The following TNIP3 variants were observed in gnomAD, a reference collection of about 807,000 sequenced individuals.
TNIP3 encodes the protein TNFAIP3-interacting protein 3.
Under a neutral mutation model 54.1 loss-of-function variants are expected in TNIP3, and 34 were observed. That is an observed-to-expected ratio of 0.63 (90% confidence interval 0.48 to 0.84). TNIP3 has a LOEUF of 0.84. TNIP3 is among the 40% of genes least tolerant of loss of function. The pLI, the probability that TNIP3 is intolerant of heterozygous loss-of-function variation, is 0.00. For missense variants in TNIP3, 366 were observed against 387.6 expected (o/e 0.94, Z 0.47); for synonymous variants, 134 against 136.8 (o/e 0.98, Z 0.14).
intron 2 of TNIP3, among the ~76,000 whole-genome samples, chr4:121,188,025 G>T (rs1338625711): frequency 6.6e-6 from 1 of 152,012 alleles, no homozygotes; most frequent in East Asian, 1.9e-4. Context: ...CTTGATTTAA[G>T]GGGGCCTCTT....
chr4:121,217,869 G>C (rs1454378328), upstream of TNIP3, among the ~76,000 whole-genome samples: 1 of 152,152 alleles, frequency 6.6e-6, no homozygotes, highest in Non-Finnish European at 1.5e-5. Context: ...TACACATGGA[G>C]TCCTGGAGTA....
chr4:121,177,699 G>C (rs1724441271), intron 3 of TNIP3, among the ~76,000 whole-genome samples: 1 of 152,152 alleles, frequency 6.6e-6, no homozygotes, highest in Non-Finnish European at 1.5e-5. Context: ...GCTCACGCTT[G>C]TGTTAACCAA....
intron 2 of TNIP3, among the ~76,000 whole-genome samples, chr4:121,197,828 T>C (rs1293811000): frequency 6.6e-6 from 1 of 152,160 alleles, no homozygotes; most frequent in Non-Finnish European, 1.5e-5. Flanking sequence ...GAGAGCCGTA[T>C]AAGAAAGTCA....
chr4:121,168,139 C>G (rs1730865047), upstream of TNIP3, among the ~76,000 whole-genome samples: 1 of 152,126 alleles, frequency 6.6e-6, no homozygotes, highest in Admixed American at 6.5e-5. Context: ...CACATTGCCA[C>G]AAAAGCCTAG....
intron 7 of TNIP3, among the ~76,000 whole-genome samples, chr4:121,145,247 C>A (rs1729359858): frequency 1.3e-5 from 2 of 152,170 alleles, no homozygotes; most frequent in African/African-American, 4.8e-5. Context: ...ATCAAACCAT[C>A]TATTACATCT....
Position 121,178,486 on chromosome 4 carries a change from C to T in TNIP3, c.189+4190G>A, listed in dbSNP as rs116584225. 4.7e-3 allele frequency among the ~76,000 whole-genome samples: 710 copies of T among 152,296 alleles called. 7 individuals are homozygous for T. Among genetic ancestry groups the T allele is most frequent in the African/African-American group, 0.016 (681 of 41,566 alleles). On this transcript the variant is annotated intron_variant, in intron 3 of 12. Coordinates refer to the TNIP3 transcript ENST00000507879. ...TGGTTGCATTTGGAGTTCTCGAAGA[C>T]ATATTCCACATTGAGCACACTTGGC...
intron 2 of TNIP3, among the ~76,000 whole-genome samples, chr4:121,188,300 A>T (rs1450112982): frequency 6.6e-6 from 1 of 151,628 alleles, no homozygotes; most frequent in East Asian, 1.9e-4. Flanking sequence ...CCAATTTGAC[A>T]ATGAAACTTA....
chr4:121,164,235 T>G lies in TNIP3; in HGVS notation c.-110A>C. ...GTATACAAAATTTAAAAAACACACATCACCGTTAACTCATAATAGAAAATA... is the reference window on the plus strand; with the variant it reads ...GTATACAAAATTTAAAAAACACACAGCACCGTTAACTCATAATAGAAAATA... On this transcript the variant is annotated 5_prime_UTR_variant, in exon 1 of 11. An upstream start codon of the reference 5' UTR is lost. Coordinates refer to ENST00000057513, the MANE Select transcript of TNIP3 (RefSeq NM_024873.6). 1 of 1,561,914 alleles carries G rather than the reference T, an allele frequency of 6.4e-7. No homozygotes were observed.
intron 10 of TNIP3, 109 bp from the exon 11 acceptor site, chr4:121,132,771 T>A: frequency 3.8e-6 from 3 of 799,762 alleles, no homozygotes; most frequent in Non-Finnish European, 6.1e-6. Context: ...AAAAAAAAAG[T>A]TATGTTATAT....
intron 5 of TNIP3, among the ~76,000 whole-genome samples, chr4:121,151,544 T>C (rs1729757516): frequency 6.6e-6 from 1 of 152,276 alleles, no homozygotes; most frequent in East Asian, 1.9e-4. Flanking sequence ...TAATAATTTA[T>C]GTTTTTTGAG....
At chr4:121,167,210 T>A (rs928556323), upstream of TNIP3, among the ~76,000 whole-genome samples, 1 of 152,080 alleles carries the variant, frequency 6.6e-6, no homozygotes, top group Non-Finnish European at 1.5e-5. Context: ...AAAAATTCCC[T>A]GCTTATGATG....
chr4:121,173,010 G>A (rs1724061675), intron 3 of TNIP3, among the ~76,000 whole-genome samples: 1 of 152,156 alleles, frequency 6.6e-6, no homozygotes, highest in African/African-American at 2.4e-5. Flanking sequence ...TGCTAATGAG[G>A]ACAAAGTTGA....
intron 2 of TNIP3, among the ~76,000 whole-genome samples, chr4:121,204,818 A>T (rs139359107): frequency 1.3e-5 from 2 of 152,284 alleles, no homozygotes; most frequent in East Asian, 1.9e-4. Context: ...TTTCATTTCT[A>T]TCAGCTATGT....
At chr4:121,195,187 CTTAA>C (rs1033702436) in intron 2 of TNIP3, among the ~76,000 whole-genome samples, 67 of 152,108 alleles carry the variant, frequency 4.4e-4, no homozygotes, top group African/African-American at 1.6e-3. Context: ...AAAAAAACTT[CTTAA>C]TTAAGTCAAT....
upstream of TNIP3, among the ~76,000 whole-genome samples, chr4:121,218,827 G>C (rs1014848792): frequency 1.3e-5 from 2 of 151,958 alleles, no homozygotes; most frequent in African/African-American, 2.4e-5. Flanking sequence ...CTCTTGAGTA[G>C]CTGGGACTAC....
intron 10 of TNIP3, chr4:121,137,926 T>C (rs1336355205): frequency 4.4e-6 from 2 of 455,826 alleles, no homozygotes; most frequent in Non-Finnish European, 8.8e-6. Context: ...AGAATAGAAG[T>C]GGGATTTTGA....
intron 3 of TNIP3, among the ~76,000 whole-genome samples, chr4:121,158,467 TG>T (rs1730243663): frequency 6.6e-6 from 1 of 152,228 alleles, no homozygotes; most frequent in African/African-American, 2.4e-5. Flanking sequence ...GGGCCATTTT[TG>T]CACCTTTCTT....
upstream of TNIP3, among the ~76,000 whole-genome samples, chr4:121,220,814 G>A (rs912515731): frequency 1.3e-5 from 2 of 152,078 alleles, no homozygotes; most frequent in African/African-American, 2.4e-5. Flanking sequence ...TTTACTGAGC[G>A]AATGGACAGC....
chr4:121,154,985 C>T (rs1208005761), intron 4 of TNIP3, among the ~76,000 whole-genome samples: 7 of 147,408 alleles, frequency 4.7e-5, no homozygotes, highest in South Asian at 2.1e-4. Flanking sequence ...TTTTTAAAGA[C>T]GAATTCTCAC....
Sources: allele counts gnomAD v4.1 joint callset (sites outside exome capture counted in the v4.1 genomes callset), GRCh38; gene constraint gnomAD v4.1.1; transcripts MANE v1.5; gene names NCBI Gene and HGNC (gene_info 2026-07-23, HGNC 2026-07-21).